PTN: variants seen among roughly 807,000 people sequenced by gnomAD.
PTN encodes the protein pleiotrophin.
In PTN, 18 loss-of-function variants were observed where a neutral mutation model predicts 24.1. That is an observed-to-expected ratio of 0.75 (90% CI 0.52 to 1.11). PTN has a LOEUF of 1.11. PTN is among the 50% of genes least tolerant of loss of function. PTN has a pLI of 0.00. For synonymous variants in PTN, 78 were observed against 68.6 expected (o/e 1.14, Z -0.67); for missense variants, 163 against 198.8 (o/e 0.82, Z 1.08).
intron 1 of PTN, among the ~76,000 whole-genome samples, chr7:137,289,911 G>A (rs748593103): frequency 6.6e-6 from 1 of 152,098 alleles, no homozygotes; most frequent in Non-Finnish European, 1.5e-5. Flanking sequence ...CATAAGAATC[G>A]TTTTAAGTCA....
At chr7:137,265,115 T>C (rs975651343) in intron 1 of PTN, among the ~76,000 whole-genome samples, 2 of 152,290 alleles carry the variant, frequency 1.3e-5, no homozygotes, top group Admixed American at 1.3e-4. Context: ...GTTTATCTAA[T>C]TTATATTTTT....
intron 1 of PTN, among the ~76,000 whole-genome samples, chr7:137,269,105 C>A (rs1237263878): frequency 6.6e-6 from 1 of 152,148 alleles, no homozygotes; most frequent in Admixed American, 6.5e-5. Context: ...GACCTCAATA[C>A]ATTTCTCTTG....
intron 4 of PTN, among the ~76,000 whole-genome samples, chr7:137,237,014 T>C (rs13242861): frequency 0.27 from 40,521 of 151,948 alleles, 5,767 homozygotes; most frequent in East Asian, 0.41. Context: ...TTTCTTTTGG[T>C]TCAAAAAATT....
At chr7:137,293,796 G>C (rs753386284) in intron 1 of PTN, among the ~76,000 whole-genome samples, 28 of 151,962 alleles carry the variant, frequency 1.8e-4, no homozygotes, top group Non-Finnish European at 3.2e-4. Context: ...ATCACTCAAA[G>C]TCCATATTTA....
intron 1 of PTN, chr7:137,326,172 T>C (rs775191955): frequency 6.6e-6 from 1 of 151,928 alleles, no homozygotes; most frequent in Non-Finnish European, 1.5e-5. Context: ...TGAAAGGGCC[T>C]CCCAGGCATT....
intron 1 of PTN, among the ~76,000 whole-genome samples, chr7:137,299,919 C>T (rs947165288): frequency 2.6e-5 from 4 of 151,928 alleles, no homozygotes; most frequent in Admixed American, 2.0e-4. Flanking sequence ...CTCATACATG[C>T]CAAATACTCA....
intron 1 of PTN, among the ~76,000 whole-genome samples, chr7:137,336,526 C>T (rs928697157): frequency 6.6e-6 from 1 of 152,142 alleles, no homozygotes; most frequent in Non-Finnish European, 1.5e-5. Flanking sequence ...GGAGACTTTG[C>T]CTGCCCAACC....
intron 1 of PTN, among the ~76,000 whole-genome samples, chr7:137,279,083 T>TGATA (rs1809422862): frequency 6.6e-6 from 1 of 151,622 alleles, no homozygotes; most frequent in Non-Finnish European, 1.5e-5. Context: ...GAACCTGACC[T>TGATA]GATACCAAAA....
intron 1 of PTN, among the ~76,000 whole-genome samples, chr7:137,258,938 T>C (rs1436141733): frequency 5.3e-5 from 8 of 152,088 alleles, no homozygotes; most frequent in African/African-American, 1.7e-4. Context: ...AGTGCGAGAA[T>C]AAAGCCTTAC....
At chr7:137,243,553 C>T (rs953791235) in intron 4 of PTN, among the ~76,000 whole-genome samples, 1 of 152,148 alleles carries the variant, frequency 6.6e-6, no homozygotes, top group African/African-American at 2.4e-5. Context: ...CATGCAAGAC[C>T]CTTGAAGCTT....
intron 1 of PTN, among the ~76,000 whole-genome samples, chr7:137,271,797 A>G (rs926600523): frequency 6.6e-6 from 1 of 152,154 alleles, no homozygotes; most frequent in Non-Finnish European, 1.5e-5. Flanking sequence ...GAGAATCACA[A>G]CTCTGGCTAG....
intron 1 of PTN, among the ~76,000 whole-genome samples, chr7:137,341,066 T>C (rs1810525947): frequency 6.6e-6 from 1 of 152,184 alleles, no homozygotes; most frequent in African/African-American, 2.4e-5. Flanking sequence ...TGAATAGTAA[T>C]TAAAAACACC....
At chr7:137,234,479 T>C (rs1808485569) in intron 4 of PTN, among the ~76,000 whole-genome samples, 1 of 152,102 alleles carries the variant, frequency 6.6e-6, no homozygotes, top group Non-Finnish European at 1.5e-5. Context: ...GCAAAGTTAC[T>C]CTTGAAAGGC....
In PTN at chr7:137,343,466, C is replaced by T. The variant is rs1457767049; in HGVS notation, c.-29G>A. On this transcript the variant is annotated 5_prime_UTR_variant, in exon 1 of 5. Coordinates refer to ENST00000348225, the MANE Select transcript of PTN (RefSeq NM_002825.7). ...TGAGTTGGAAACGTCCTCTCTGGCG[C>T]TCAGTCTGCCTTTGTTGCAAGGGGC... is the stretch of plus-strand genomic sequence containing the variant. The T allele has an allele frequency of 5.8e-6, 3 of 518,230 alleles. No homozygotes were observed. Among genetic ancestry groups the T allele is most frequent in the Non-Finnish European group, 1.2e-5 (3 of 259,616 alleles). The allele number at this position is 518,230 out of a possible 1,614,324, so 32.1% of individuals were successfully genotyped here. A position where few individuals can be genotyped will look rare whatever the true frequency, so the allele number is the denominator to read the frequency against.
At chr7:137,343,272 T>C (rs1810563784) in intron 1 of PTN, among the ~76,000 whole-genome samples, 167 bp downstream of exon 1, 1 of 152,092 alleles carries the variant, frequency 6.6e-6, no homozygotes, top group African/African-American at 2.4e-5. Context: ...ATGCCTCCCT[T>C]GGCCTCTGGA....
intron 1 of PTN, among the ~76,000 whole-genome samples, chr7:137,293,722 G>A (rs976448340): frequency 6.6e-6 from 1 of 151,998 alleles, no homozygotes; most frequent in African/African-American, 2.4e-5. Context: ...AACCTCCCCC[G>A]TGATCAGCAT....
intron 1 of PTN, among the ~76,000 whole-genome samples, chr7:137,301,104 T>C (rs1355506616): frequency 6.6e-6 from 1 of 152,012 alleles, no homozygotes; most frequent in Non-Finnish European, 1.5e-5. Flanking sequence ...TAGTAAAATG[T>C]AGCTTCTGCT....
chr7:137,240,100 G>A (rs370830071), intron 4 of PTN, among the ~76,000 whole-genome samples: 6 of 152,186 alleles, frequency 3.9e-5, no homozygotes, highest in East Asian at 3.9e-4. Context: ...TCTATCTCAC[G>A]TACTCCTTTC....
rs192371410 is a variant in PTN at position 137,308,966 on chromosome 7, C to T, written c.-2+34473G>A. Among the ~76,000 whole-genome samples, 928 of 152,078 alleles carry T rather than the reference C, an allele frequency of 6.1e-3. 16 individuals carry two copies. The highest frequency in any genetic ancestry group is 8.4e-3 in the Non-Finnish European group (568 of 67,992). On this transcript the variant is annotated intron_variant, in intron 1 of 4. Transcript: ENST00000348225. ...TTCAAATGACCATTTGATGTTGGGA[C>T]TGAAAGAAAAAATAAGAAAGACAGG...
Sources: allele counts gnomAD v4.1 joint callset (sites outside exome capture counted in the v4.1 genomes callset), GRCh38; gene constraint gnomAD v4.1.1; transcripts MANE v1.5; gene names NCBI Gene and HGNC (gene_info 2026-07-23, HGNC 2026-07-21).